The following GPD2 variants were observed in gnomAD, a reference collection of about 807,000 sequenced individuals.
GPD2 encodes glycerol-3-phosphate dehydrogenase, mitochondrial.
A neutral mutation model predicts 82.4 loss-of-function variants in GPD2; 54 were observed. That is an observed-to-expected ratio of 0.66 (90% CI 0.53 to 0.82). The LOEUF is 0.82. Ranked by LOEUF, GPD2 falls within the 40% of genes least tolerant of loss-of-function variation. The pLI, the probability that GPD2 is intolerant of heterozygous loss-of-function variation, is 0.00. For synonymous variants in GPD2, 288 were observed against 306.1 expected (o/e 0.94, Z 0.62); for missense variants, 748 against 896.2 (o/e 0.83, Z 2.11).
At chr2:156,400,428 C>G in the GPD2 span, among the ~76,000 whole-genome samples, 2 of 152,206 alleles carry the variant, frequency 1.3e-5, no homozygotes, top group African/African-American at 4.8e-5. Context: ...GCGCAATAAG[C>G]CTGGGGAGGT....
At chr2:156,551,200 T>TA (rs200854925) in intron 8 of GPD2, among the ~76,000 whole-genome samples, 1 of 84,170 alleles carries the variant, frequency 1.2e-5, no homozygotes, top group Non-Finnish European at 3.0e-5. Context: ...TGAAATAGAT[T>TA]AAAAAAAATA....
chr2:156,569,982 A>T, intron 11 of GPD2, 105 bp from the exon 12 acceptor site: 1 of 994,776 alleles, frequency 1.0e-6, no homozygotes, highest in Non-Finnish European at 1.6e-6. Context: ...GCTATTAGTT[A>T]CAGGCTGTAA....
At chr2:156,557,071 G>T (rs1217223071) in intron 8 of GPD2, among the ~76,000 whole-genome samples, 1 of 152,168 alleles carries the variant, frequency 6.6e-6, no homozygotes, top group Non-Finnish European at 1.5e-5. Flanking sequence ...GATGTGAATG[G>T]TCCAAGGAGT....
intron 9 of GPD2, among the ~76,000 whole-genome samples, chr2:156,558,027 T>C (rs1268869770): frequency 1.3e-5 from 2 of 152,230 alleles, no homozygotes; most frequent in Non-Finnish European, 2.9e-5. Context: ...GAAAGTATAA[T>C]GTTGACCAGT....
chr2:156,501,000 G>A (rs1684568644), intron 3 of GPD2, among the ~76,000 whole-genome samples: 1 of 152,146 alleles, frequency 6.6e-6, no homozygotes, highest in African/African-American at 2.4e-5. Context: ...CCCAAAGGAA[G>A]CTGGAAAAGG....
chr2:156,529,955 C>G (rs1014042195), intron 6 of GPD2, among the ~76,000 whole-genome samples: 6 of 151,998 alleles, frequency 3.9e-5, no homozygotes, highest in Admixed American at 6.6e-5. Context: ...CTTTAAAGTA[C>G]TATTTTCCAA....
chr2:156,508,982 A>G (rs1203270841), intron 3 of GPD2, among the ~76,000 whole-genome samples: 1 of 152,202 alleles, frequency 6.6e-6, no homozygotes, highest in Non-Finnish European at 1.5e-5. Flanking sequence ...AGCCTAGTTC[A>G]TGCCTAATTC....
chr2:156,418,655 T>C, the GPD2 span, among the ~76,000 whole-genome samples: 1 of 152,074 alleles, frequency 6.6e-6, no homozygotes, highest in African/African-American at 2.4e-5. Flanking sequence ...ATAAAAGGCA[T>C]TCAGATTTAT....
the GPD2 span, among the ~76,000 whole-genome samples, chr2:156,423,908 A>G: frequency 1.9e-3 from 283 of 152,244 alleles, no homozygotes; most frequent in Non-Finnish European, 3.5e-3. Context: ...GCGCTTTCCT[A>G]TCTCCCCAGT....
chr2:156,447,127 G>C (rs1682394314), intron 1 of GPD2, among the ~76,000 whole-genome samples: 1 of 152,156 alleles, frequency 6.6e-6, no homozygotes, highest in Non-Finnish European at 1.5e-5. Flanking sequence ...TTACAAGAAT[G>C]CTCAAGATTC....
At chr2:156,406,372 T>C in the GPD2 span, among the ~76,000 whole-genome samples, 14 of 152,292 alleles carry the variant, frequency 9.2e-5, no homozygotes, top group African/African-American at 3.1e-4. Context: ...CATTCCTAGT[T>C]CTCAAGCATA....
chr2:156,474,739 G>A, intron 1 of GPD2, among the ~76,000 whole-genome samples: 1 of 152,106 alleles, frequency 6.6e-6, no homozygotes, highest in Non-Finnish European at 1.5e-5. Context: ...CAAAACTTTA[G>A]AAAATTCCAT....
At chr2:156,471,360 G>C (rs1380970666) in intron 1 of GPD2, among the ~76,000 whole-genome samples, 1 of 152,146 alleles carries the variant, frequency 6.6e-6, no homozygotes, top group Non-Finnish European at 1.5e-5. Flanking sequence ...TACTTGAACA[G>C]TCTTTACAGA....
chr2:156,583,510 TA>T lies in GPD2; in HGVS notation c.*594del, dbSNP rs1216457959. ...TTTTTATATCTAGAGCATGACTGGC[TA>T]ACTGGAGAGGGAAGGAAAAGTTTAG... On this transcript the variant is annotated 3_prime_UTR_variant, in exon 17 of 17. Coordinates refer to ENST00000438166, the MANE Select transcript of GPD2 (RefSeq NM_000408.5). 1.2e-5 allele frequency: 2 copies of T among 160,234 alleles called. No individual in the cohort carries two copies. The highest frequency in any genetic ancestry group is 5.9e-5 in the Admixed American group (1 of 16,844). 9.9% of individuals were successfully genotyped at this position (160,234 alleles called of 1,614,324 possible). A position where few individuals can be genotyped will look rare whatever the true frequency, so the allele number is the denominator to read the frequency against.
chr2:156,537,017 G>A (rs542082368), intron 6 of GPD2, among the ~76,000 whole-genome samples: 1 of 152,334 alleles, frequency 6.6e-6, no homozygotes, highest in South Asian at 2.1e-4. Context: ...AAACAGATAT[G>A]AGCAGAGTTC....
intron 13 of GPD2, among the ~76,000 whole-genome samples, chr2:156,573,631 C>T (rs1349779141): frequency 6.6e-6 from 1 of 152,062 alleles, no homozygotes; most frequent in African/African-American, 2.4e-5. Context: ...ACTAAGGAAG[C>T]TAGATTTAAC....
At chr2:156,554,290 G>T (rs1000382870) in intron 8 of GPD2, among the ~76,000 whole-genome samples, 5 of 152,186 alleles carry the variant, frequency 3.3e-5, no homozygotes, top group Non-Finnish European at 5.9e-5. Flanking sequence ...CTTCAGGGAT[G>T]AACCAAAGCT....
chr2:156,425,609 A>C, the GPD2 span, among the ~76,000 whole-genome samples: 248 of 152,296 alleles, frequency 1.6e-3, no homozygotes, highest in African/African-American at 5.3e-3. Flanking sequence ...GATGGTGCAG[A>C]CTTTATATTA....
intron 16 of GPD2, among the ~76,000 whole-genome samples, chr2:156,580,211 T>A (rs1687980065): frequency 6.6e-6 from 1 of 152,210 alleles, no homozygotes; most frequent in Admixed American, 6.5e-5. Context: ...AAAAGTATGG[T>A]TCTATTCACT....
Sources: gnomAD v4.1 joint callset for allele counts (sites outside exome capture counted in the v4.1 genomes callset) on GRCh38, gnomAD v4.1.1 for gene constraint, MANE v1.5 for transcripts, NCBI Gene and HGNC (gene_info 2026-07-23, HGNC 2026-07-21) for gene names.